The following HSF5 variants were observed in gnomAD, a reference collection of about 807,000 sequenced individuals.
HSF5 encodes the protein heat shock transcription factor 5.
Under a neutral mutation model 50.8 loss-of-function variants are expected in HSF5, and 5 were observed. The ratio of observed to expected loss-of-function variants is 0.10; its 90% CI spans 0.05 to 0.21. The LOEUF is 0.21. HSF5 is among the 10% of genes least tolerant of loss of function. HSF5 has a pLI of 1.00. For synonymous variants in HSF5, 307 were observed against 307.4 expected (o/e 1.00, Z 0.02); for missense variants, 564 against 762.6 (o/e 0.74, Z 3.07).
At chr17:58,446,170 C>T (rs1322305997) in intron 5 of HSF5, among the ~76,000 whole-genome samples, 1 of 149,382 alleles carries the variant, frequency 6.7e-6, no homozygotes, top group Non-Finnish European at 1.5e-5. Flanking sequence ...TAAAATGGGG[C>T]AGAGGCAGAG....
At chr17:58,469,060 C>G (rs1974910250) in intron 2 of HSF5, among the ~76,000 whole-genome samples, 1 of 146,010 alleles carries the variant, frequency 6.8e-6, no homozygotes, top group Admixed American at 6.9e-5. Context: ...AGCTAAACAC[C>G]AAGCAGGATC....
intron 2 of HSF5, among the ~76,000 whole-genome samples, chr17:58,477,706 C>G (rs1297949827): frequency 4.6e-5 from 7 of 152,136 alleles, no homozygotes; most frequent in Non-Finnish European, 1.0e-4. Context: ...GTGATCTGCC[C>G]GCCTCGGCCT....
intron 5 of HSF5, among the ~76,000 whole-genome samples, chr17:58,447,863 C>T (rs1225323852): frequency 6.6e-6 from 1 of 152,064 alleles, no homozygotes; most frequent in Non-Finnish European, 1.5e-5. Flanking sequence ...ATATCAAGAA[C>T]ATTCATCTGG....
At chr17:58,478,454 C>T (rs551042903) in intron 2 of HSF5, among the ~76,000 whole-genome samples, 58 of 107,200 alleles carry the variant, frequency 5.4e-4, no homozygotes, top group Non-Finnish European at 8.3e-4. Flanking sequence ...TCCAGCCTGG[C>T]AACAGAGCGA....
chr17:58,456,171 A>G (rs1354671579), intron 5 of HSF5, among the ~76,000 whole-genome samples: 2 of 146,226 alleles, frequency 1.4e-5, no homozygotes, highest in East Asian at 3.9e-4. Flanking sequence ...GTATATACAC[A>G]CACACACACA....
chr17:58,436,168 T>A lies in HSF5; in HGVS notation c.1721-13738A>T, dbSNP rs147062362. On this transcript the variant is annotated intron_variant, in intron 5 of 5. Coordinates refer to ENST00000323777, the MANE Select transcript of HSF5 (RefSeq NM_001080439.3). ...CTTTCTTTCTAACCATATGCTGTAC[T>A]GTTTTTAATGAGCAGTATATTAATC... Among the ~76,000 whole-genome samples the A allele has an allele frequency of 6.6e-5, 10 of 152,268 alleles. No individual in the cohort carries two copies. In the East Asian group the frequency reaches 1.7e-3, roughly 26 times the overall value.
Position 58,488,052 on chromosome 17 carries a change from T to C in HSF5, c.223A>G (p.Thr75Ala). 1 of 1,601,506 alleles carries C rather than the reference T, an allele frequency of 6.2e-7. No individual in the cohort carries two copies. The highest frequency in any genetic ancestry group is 1.1e-5 in the South Asian group (1 of 89,864). The change falls in exon 1 of 6, where the codon ACC (threonine) becomes GCC (alanine). Residue 75 changes from threonine to alanine, a missense_variant. Thr to Ala is a moderately conservative substitution (Grantham distance 58, BLOSUM62 0). This residue lies in a region of HSF5 where 72 missense variants were observed against 110.9 expected (regional missense o/e 0.65). Coordinates refer to ENST00000323777, the MANE Select transcript of HSF5 (RefSeq NM_001080439.3). The surrounding 1 kb of genome is among the most constrained non-coding windows in gnomAD (Gnocchi z 4.1). ...TGGCGGATGAAGCTGGTGAAGCTGG[T>C]GGTTTTGAAGAGCTCGGGCTCGGCC... Reference protein sequence around the residue: ...AGAEPELFKTTSFTSFIRQLN... With the variant: ...AGAEPELFKTASFTSFIRQLN...
intron 5 of HSF5, among the ~76,000 whole-genome samples, chr17:58,438,980 G>A (rs1217929450): frequency 1.3e-5 from 2 of 151,936 alleles, no homozygotes; most frequent in Non-Finnish European, 2.9e-5. Context: ...TCAGCTAGGT[G>A]TGGTGGCATG....
intron 5 of HSF5, among the ~76,000 whole-genome samples, chr17:58,442,441 T>C (rs1342777146): frequency 6.6e-6 from 1 of 152,164 alleles, no homozygotes; most frequent in East Asian, 1.9e-4. Flanking sequence ...GTAAATGGTT[T>C]AGCTTTTCAC....
chr17:58,465,535 T>G (rs1307085061), intron 3 of HSF5, among the ~76,000 whole-genome samples: 1 of 151,246 alleles, frequency 6.6e-6, no homozygotes, highest in South Asian at 2.1e-4. Flanking sequence ...ATATCAGCCA[T>G]GAAAAATGGC....
chr17:58,437,326 A>G lies in HSF5; in HGVS notation c.1721-14896T>C, dbSNP rs566052066. Reference sequence around the variant, plus strand: ...AGTCAGTTTACTATCTGGGATATAAATATTTTTTAAAAACACTCTGAAATT... The same window carrying G: ...AGTCAGTTTACTATCTGGGATATAAGTATTTTTTAAAAACACTCTGAAATT... On this transcript the variant is annotated intron_variant, in intron 5 of 5. Coordinates refer to ENST00000323777, the MANE Select transcript of HSF5 (RefSeq NM_001080439.3). Among the ~76,000 whole-genome samples the G allele has an allele frequency of 2.6e-5, 4 of 152,194 alleles. No individual in the cohort carries two copies. The South Asian group carries it at 8.3e-4, about 31-fold the overall frequency.
chr17:58,463,251 G>A lies in HSF5; in HGVS notation c.1073C>T (p.Pro358Leu), dbSNP rs902208450. ...YPVEFLPSNWPCSTTDENTKT... is the reference protein window; with the variant it reads ...YPVEFLPSNWLCSTTDENTKT... ...TGTATTTTCATCAGTAGTACTGCAG[G>A]GCCAATTGGAAGGCAAAAATTCAAC... The change falls in exon 4 of 6, where the codon CCC becomes CTC. Residue 358 changes from proline (P) to leucine (L), a missense_variant. By Grantham distance (98) the Pro-to-Leu change is moderately conservative. This residue lies in a region of HSF5 where 441 missense variants were observed against 533.6 expected (regional missense o/e 0.83). Transcript: ENST00000323777. 13 of 1,613,866 alleles carry A rather than the reference G, an allele frequency of 8.1e-6. No homozygotes were observed. Among genetic ancestry groups the A allele is most frequent in the Non-Finnish European group, 9.3e-6 (11 of 1,179,866 alleles).
At position 58,479,882 on chromosome 17, in the gene HSF5, A is replaced by T; in HGVS notation, c.925+11T>A. On this transcript the variant is annotated intron_variant, in intron 2 of 5. Transcript: ENST00000323777. The stretch of plus-strand genomic sequence containing the variant: ...CTTAAATAGAAGGCCATGAACCTGA[A>T]TTTGTCATACCTGTTGGATAGTAGG... 1 of 1,598,824 alleles carries T rather than the reference A, an allele frequency of 6.3e-7. No individual in the cohort carries two copies. Among genetic ancestry groups the T allele is most frequent in the Non-Finnish European group, 8.5e-7 (1 of 1,173,546 alleles).
At chr17:58,442,966 G>A (rs933429809) in intron 5 of HSF5, among the ~76,000 whole-genome samples, 33 of 151,218 alleles carry the variant, frequency 2.2e-4, no homozygotes, top group African/African-American at 7.5e-4. Flanking sequence ...AGAGTGCAGT[G>A]GCAGTGATCT....
At position 58,487,953 on chromosome 17, in the gene HSF5, G is replaced by T; in HGVS notation, c.322C>A (p.Leu108Ile). The change falls in exon 1 of 6, where the codon CTC becomes ATC. Residue 108 changes from leucine to isoleucine, a missense_variant. Transcript: ENST00000323777. ...AAGTGCGGGTTGTGGAAGTGATGGA[G>T]CGGCCCATTGCCTGCCGGTTTGCCG... ...GGGKPAGNGP[L>I]HHFHNPHFRR... 2 of 1,611,454 alleles carry T rather than the reference G, an allele frequency of 1.2e-6. No individual in the cohort carries two copies. The highest frequency in any genetic ancestry group is 8.5e-7 in the Non-Finnish European group (1 of 1,179,388).
intron 5 of HSF5, among the ~76,000 whole-genome samples, chr17:58,455,503 T>G (rs1255584724): frequency 1.3e-5 from 2 of 152,024 alleles, no homozygotes; most frequent in Non-Finnish European, 2.9e-5. Context: ...AAAAATCTTC[T>G]GCATAGCAAA....
At chr17:58,425,481 A>C (rs2143722159) in intron 5 of HSF5, among the ~76,000 whole-genome samples, 2 of 148,662 alleles carry the variant, frequency 1.3e-5, no homozygotes, top group Middle Eastern at 7.0e-3. Flanking sequence ...GGGAGGCTGA[A>C]GCAGGAGAAT....
At position 58,479,934 on chromosome 17, in the gene HSF5, T is replaced by G. The variant is rs370694569; in HGVS notation, c.884A>C (p.Tyr295Ser). 4 of 1,613,862 alleles carry G rather than the reference T, an allele frequency of 2.5e-6. No homozygotes were observed. The highest frequency in any genetic ancestry group is 3.4e-6 in the Non-Finnish European group (4 of 1,179,954). ...MVSSSQKYSN[Y>S]TPSAQYSQAY... ...TTGCGAGTACTGTGCTGAGGGTGTG[T>G]AGTTACTGTATTTTTGGGAGGAGCT... is the stretch of plus-strand genomic sequence containing the variant. The change falls in exon 2 of 6, where the codon TAC (tyrosine) becomes TCC (serine). Residue 295 changes from tyrosine to serine, a missense_variant. Physicochemically the swap from Tyr to Ser is moderately radical, Grantham distance 144. This residue lies in a region of HSF5 where 441 missense variants were observed against 533.6 expected (regional missense o/e 0.83). Transcript: ENST00000323777.
chr17:58,440,459 G>A (rs1974484808), intron 5 of HSF5, among the ~76,000 whole-genome samples: 1 of 152,124 alleles, frequency 6.6e-6, no homozygotes, highest in African/African-American at 2.4e-5. Flanking sequence ...CCAATTGCCT[G>A]GTAGAAACAA....
Sources: allele counts gnomAD v4.1 joint callset (sites outside exome capture counted in the v4.1 genomes callset), GRCh38; gene constraint gnomAD v4.1.1; regional missense constraint gnomAD v4.1.1; non-coding constraint Gnocchi (gnomAD v3.1); transcripts MANE v1.5; gene names NCBI Gene and HGNC (gene_info 2026-07-23, HGNC 2026-07-21).